The following ARID1B variants were observed in gnomAD, a reference collection of about 807,000 sequenced individuals.
ARID1B encodes AT-rich interactive domain-containing protein 1B.
In ARID1B, 30 loss-of-function variants were observed where a neutral mutation model predicts 212.3. The observed-to-expected ratio is 0.14, with a 90% CI of 0.11 to 0.19. ARID1B has a LOEUF of 0.19. Ranked by LOEUF, ARID1B falls within the 10% of genes least tolerant of loss-of-function variation. The pLI is 1.00. For synonymous variants in ARID1B, 1,402 were observed against 1,301.7 expected, an observed-to-expected ratio of 1.08 and a Z score of -1.66; for missense variants, 2,891 against 3,204.0, an observed-to-expected ratio of 0.90 and a Z score of 2.36.
In ARID1B at chr6:156,985,969, G is replaced by A. The variant is rs1432658062; in HGVS notation, c.2247+50393G>A. Reference sequence around the variant, plus strand: ...TTATTTCGAGATGTAATGTCCTGTTGCACCGAGTAATTTTCAGTAAAAGTA... The same window carrying A: ...TTATTTCGAGATGTAATGTCCTGTTACACCGAGTAATTTTCAGTAAAAGTA... On this transcript the variant is annotated intron_variant, in intron 4 of 19. Transcript: ENST00000636930. Among the ~76,000 whole-genome samples the A allele has an allele frequency of 5.3e-5, 8 of 152,172 alleles. No individual in the cohort carries two copies. In the East Asian group the frequency reaches 1.3e-3, roughly 26 times the overall value.
chr6:156,876,320 C>A (rs74566821), intron 2 of ARID1B, among the ~76,000 whole-genome samples: 1 of 152,124 alleles, frequency 6.6e-6, no homozygotes, highest in Non-Finnish European at 1.5e-5. Flanking sequence ...CTCACCCATC[C>A]GGCCCTGTGG....
At chr6:157,187,009 C>T (rs1037443793) in intron 13 of ARID1B, among the ~76,000 whole-genome samples, 9 of 152,212 alleles carry the variant, frequency 5.9e-5, no homozygotes, top group Admixed American at 2.6e-4. Flanking sequence ...CTTCTCACAC[C>T]GGATGTCTGG....
At chr6:157,140,255 A>G (rs1006064031) in intron 7 of ARID1B, among the ~76,000 whole-genome samples, 4 of 152,042 alleles carry the variant, frequency 2.6e-5, no homozygotes, top group African/African-American at 9.7e-5. Flanking sequence ...GGATTGCTTA[A>G]GTCTAGGAGT....
At chr6:157,175,196 A>G (rs978940220) in intron 11 of ARID1B, 191 bp downstream of exon 11, 4 of 441,874 alleles carry the variant, frequency 9.1e-6, no homozygotes, top group Non-Finnish European at 1.4e-5. Context: ...GTTTGCGTGC[A>G]TCAAAGAAGT....
chr6:156,944,617 A>G (rs1368537592), intron 4 of ARID1B, among the ~76,000 whole-genome samples: 1 of 152,194 alleles, frequency 6.6e-6, no homozygotes, highest in African/African-American at 2.4e-5. Flanking sequence ...TGCCAACCGG[A>G]TGGTTTTCTG....
At chr6:156,860,858 T>C (rs1429969725) in intron 2 of ARID1B, among the ~76,000 whole-genome samples, 2 of 152,224 alleles carry the variant, frequency 1.3e-5, no homozygotes, top group African/African-American at 2.4e-5. Flanking sequence ...TGAGAAAATC[T>C]GGATCTCTTT....
chr6:156,951,108 A>C (rs966902042), intron 4 of ARID1B, among the ~76,000 whole-genome samples: 14 of 152,174 alleles, frequency 9.2e-5, no homozygotes, highest in African/African-American at 3.4e-4. Flanking sequence ...ATAAATGGTT[A>C]TTTTTAAATA....
chr6:157,154,735 T>C (rs1476540493), intron 8 of ARID1B, among the ~76,000 whole-genome samples: 1 of 151,940 alleles, frequency 6.6e-6, no homozygotes, highest in Non-Finnish European at 1.5e-5. Context: ...CCTGCCACCA[T>C]GCCTGGCTAA....
chr6:156,876,278 T>G (rs140230500), intron 2 of ARID1B, among the ~76,000 whole-genome samples: 4 of 152,350 alleles, frequency 2.6e-5, no homozygotes, highest in Admixed American at 1.3e-4. Flanking sequence ...TGTGGTGGTG[T>G]TCTCAGTGAA....
At chr6:157,118,346 A>G (rs1787469350) in intron 6 of ARID1B, among the ~76,000 whole-genome samples, 2 of 152,214 alleles carry the variant, frequency 1.3e-5, no homozygotes, top group Non-Finnish European at 2.9e-5. Context: ...ATCATAAGAT[A>G]TACTGGTTGT....
intron 1 of ARID1B, among the ~76,000 whole-genome samples, chr6:156,824,282 C>T (rs1469577543): frequency 6.6e-6 from 1 of 152,188 alleles, no homozygotes; most frequent in East Asian, 1.9e-4. Context: ...CTTCACAGCA[C>T]TTGTCTTATT....
intron 2 of ARID1B, among the ~76,000 whole-genome samples, chr6:156,880,172 A>T (rs287871): frequency 6.6e-6 from 1 of 151,892 alleles, no homozygotes; most frequent in African/African-American, 2.4e-5. Flanking sequence ...TAGTGTGAGC[A>T]AATGACCAGT....
chr6:156,902,461 AATTT>A (rs1789026705), intron 3 of ARID1B, among the ~76,000 whole-genome samples: 1 of 152,082 alleles, frequency 6.6e-6, no homozygotes, highest in African/African-American at 2.4e-5. Context: ...AAAATAAATA[AATTT>A]ACGGAGCTTA....
intron 2 of ARID1B, among the ~76,000 whole-genome samples, chr6:156,836,252 G>A (rs1436761677): frequency 1.3e-5 from 2 of 152,090 alleles, no homozygotes; most frequent in Admixed American, 6.5e-5. Context: ...AGAGTCTCCC[G>A]GGGCATTAAG....
At chr6:157,116,606 G>A (rs746301760) in intron 6 of ARID1B, among the ~76,000 whole-genome samples, 20 of 151,088 alleles carry the variant, frequency 1.3e-4, no homozygotes, top group East Asian at 3.9e-4. Context: ...TTCCCCTTTC[G>A]GACACAGATG....
rs181730161 is a variant in ARID1B at position 157,033,393 on chromosome 6, A to G, written c.2248-51269A>G. ...GTGATACTGATTTTAGAACTATTTA[A>G]AAAAATAAATTGCAGCATAGTTTTG... On this transcript the variant is annotated intron_variant, in intron 4 of 19. Coordinates refer to ENST00000636930, the MANE Select transcript of ARID1B (RefSeq NM_001374828.1). 1.2e-3 allele frequency among the ~76,000 whole-genome samples: 176 copies of G among 152,336 alleles called. No homozygotes were observed. In the Middle Eastern group the frequency reaches 0.044, roughly 38 times the overall value.
chr6:157,115,131 A>C (rs947589373), intron 6 of ARID1B, among the ~76,000 whole-genome samples: 1 of 152,098 alleles, frequency 6.6e-6, no homozygotes, highest in Admixed American at 6.5e-5. Context: ...TTCGGTGCCC[A>C]TTTTATCTGG....
intron 6 of ARID1B, among the ~76,000 whole-genome samples, chr6:157,132,762 C>G (rs1024516856): frequency 6.6e-6 from 1 of 152,154 alleles, no homozygotes; most frequent in African/African-American, 2.4e-5. Context: ...TGCCTTTTCT[C>G]CTCCTTCTCC....
chr6:157,075,005 C>G (rs539342102), intron 4 of ARID1B, among the ~76,000 whole-genome samples: 4 of 151,962 alleles, frequency 2.6e-5, no homozygotes, highest in Non-Finnish European at 4.4e-5. Flanking sequence ...TTTCTGAGAC[C>G]CTGAATAGGT....
Sources: gnomAD v4.1 joint callset for allele counts (sites outside exome capture counted in the v4.1 genomes callset) on GRCh38, gnomAD v4.1.1 for gene constraint, MANE v1.5 for transcripts, NCBI Gene and HGNC (gene_info 2026-07-23, HGNC 2026-07-21) for gene names.